The following EEPD1 variants were observed in gnomAD, a reference collection of about 807,000 sequenced individuals.
EEPD1 encodes the protein endonuclease/exonuclease/phosphatase family domain containing 1.
A neutral mutation model predicts 46.3 loss-of-function variants in EEPD1; 17 were observed. The ratio of observed to expected loss-of-function variants is 0.37; its 90% CI spans 0.25 to 0.55. EEPD1 has a LOEUF of 0.55. Ranked by LOEUF, EEPD1 falls within the 20% of genes least tolerant of loss-of-function variation. The probability of loss-of-function intolerance (pLI) is 0.83; values close to 1 mark genes in which losing one functional copy is unlikely to be tolerated. For synonymous variants in EEPD1, 313 were observed against 315.6 expected, an observed-to-expected ratio of 0.99 and a Z score of 0.09; for missense variants, 673 against 745.6, an observed-to-expected ratio of 0.90 and a Z score of 1.13.
At chr7:36,188,524 A>G (rs1361332702) in intron 2 of EEPD1, among the ~76,000 whole-genome samples, 2 of 152,158 alleles carry the variant, frequency 1.3e-5, no homozygotes, top group Admixed American at 6.5e-5. Flanking sequence ...GCTGTGACCA[A>G]CGGAGATACA....
intron 3 of EEPD1, among the ~76,000 whole-genome samples, chr7:36,269,107 G>A (rs574911886): frequency 2.0e-5 from 3 of 152,220 alleles, no homozygotes; most frequent in Middle Eastern, 3.4e-3. Context: ...AGACATTCCC[G>A]CCAAGTTCTG....
chr7:36,214,273 A>G (rs1785989205), intron 2 of EEPD1, among the ~76,000 whole-genome samples: 1 of 152,226 alleles, frequency 6.6e-6, no homozygotes, highest in African/African-American at 2.4e-5. Context: ...GAAGGAAAGA[A>G]GTTCACATAG....
rs1452567019 is a variant in EEPD1 at position 36,301,394 on chromosome 7, C to G, written c.*2188C>G. 6.6e-6 allele frequency: 1 copy of G among 152,180 alleles called. No homozygotes were observed. The highest frequency in any genetic ancestry group is 2.4e-5 in the African/African-American group (1 of 41,432). The allele number at this position is 152,180 out of a possible 1,614,324, so 9.4% of individuals were successfully genotyped here. A position where few individuals can be genotyped will look rare whatever the true frequency, so the allele number is the denominator to read the frequency against. ...AGAAAAATTAGGCACAAAGGGATTC[C>G]CATATCCCTCCTCTTCTTTGCATAT... is the stretch of plus-strand genomic sequence containing the variant. On this transcript the variant is annotated 3_prime_UTR_variant, in exon 8 of 8. Transcript: ENST00000242108.
intron 2 of EEPD1, among the ~76,000 whole-genome samples, chr7:36,194,157 A>C (rs1233194509): frequency 6.6e-6 from 1 of 152,212 alleles, no homozygotes; most frequent in Non-Finnish European, 1.5e-5. Flanking sequence ...GGGTGTCTGC[A>C]GTACTGAATT....
chr7:36,181,315 T>G (rs1188062686), intron 2 of EEPD1, among the ~76,000 whole-genome samples: 1 of 152,170 alleles, frequency 6.6e-6, no homozygotes, highest in Non-Finnish European at 1.5e-5. Flanking sequence ...GCTGTCAGTG[T>G]GCACAGATGC....
intron 6 of EEPD1, among the ~76,000 whole-genome samples, chr7:36,292,055 A>T (rs1229126270): frequency 6.6e-6 from 1 of 152,218 alleles, no homozygotes. Context: ...GTTCTTATGC[A>T]CACATATTTA....
chr7:36,232,363 C>T (rs868811614), intron 2 of EEPD1, among the ~76,000 whole-genome samples: 2 of 151,818 alleles, frequency 1.3e-5, no homozygotes, highest in East Asian at 3.9e-4. Flanking sequence ...CACCACCAGG[C>T]CCAGCTAATT....
chr7:36,197,064 A>C, intron 2 of EEPD1, among the ~76,000 whole-genome samples: 3 of 136,234 alleles, frequency 2.2e-5, no homozygotes, highest in African/African-American at 5.7e-5. Flanking sequence ...CCCGGCCACG[A>C]CCCCGTCTGG....
intron 4 of EEPD1, among the ~76,000 whole-genome samples, chr7:36,284,195 C>T (rs1339114810): frequency 1.3e-5 from 2 of 152,212 alleles, no homozygotes; most frequent in African/African-American, 4.8e-5. Context: ...ACTGAGTGGG[C>T]TCTTACTAGG....
chr7:36,174,308 C>T (rs1785140607), intron 2 of EEPD1, among the ~76,000 whole-genome samples: 1 of 152,072 alleles, frequency 6.6e-6, no homozygotes, highest in South Asian at 2.1e-4. Flanking sequence ...ATTGATACAC[C>T]CTGATACACA....
chr7:36,158,254 A>G (rs755605735), intron 2 of EEPD1, among the ~76,000 whole-genome samples: 1 of 152,190 alleles, frequency 6.6e-6, no homozygotes, highest in Non-Finnish European at 1.5e-5. Flanking sequence ...CTTTGCAAGC[A>G]TGCTGTGTTT....
In EEPD1 at chr7:36,154,201, C is replaced by T. The variant is rs759855586; in HGVS notation, c.-124C>T. 47 of 1,245,444 alleles carry T rather than the reference C, an allele frequency of 3.8e-5. No individual in the cohort carries two copies. The highest frequency in any genetic ancestry group is 4.6e-5 in the Non-Finnish European group (43 of 924,778). 77.1% of individuals were successfully genotyped at this position (1,245,444 alleles called of 1,614,324 possible). A position where few individuals can be genotyped will look rare whatever the true frequency, so the allele number is the denominator to read the frequency against. On this transcript the variant is annotated 5_prime_UTR_variant, in exon 2 of 8. Coordinates refer to ENST00000242108, the MANE Select transcript of EEPD1 (RefSeq NM_030636.3). This position sits in a 1 kb window ranked among gnomAD's most constrained non-coding sequence, Gnocchi z 4.2. Reference sequence around the variant, plus strand: ...ATTCGGTGTTTGTCTATAGTAACCTCTTCAGTCCCTGAATCCTGCACCTTC... The same window carrying T: ...ATTCGGTGTTTGTCTATAGTAACCTTTTCAGTCCCTGAATCCTGCACCTTC...
rs554730540 is a variant in EEPD1 at position 36,223,117 on chromosome 7, C to T, written c.879-15868C>T. ...AGTGAGCCAAGATCACGCTACTGCA[C>T]TCCAACCTGGGCGACAGAGTGAGAC... On this transcript the variant is annotated intron_variant, in intron 2 of 7. Transcript: ENST00000242108. Among the ~76,000 whole-genome samples, 8 of 151,756 alleles carry T rather than the reference C, an allele frequency of 5.3e-5. No individual in the cohort carries two copies. In the South Asian group the frequency reaches 1.7e-3, roughly 32 times the overall value.
chr7:36,229,645 C>T (rs1786287739), intron 2 of EEPD1, among the ~76,000 whole-genome samples: 1 of 152,210 alleles, frequency 6.6e-6, no homozygotes. Flanking sequence ...CAGCCGCTCT[C>T]TCCAATGCCA....
intron 2 of EEPD1, among the ~76,000 whole-genome samples, chr7:36,211,273 A>G (rs1402353702): frequency 6.6e-6 from 1 of 152,242 alleles, no homozygotes; most frequent in Non-Finnish European, 1.5e-5. Context: ...CATGCTATAC[A>G]TGCGCAGTGT....
Position 36,284,431 on chromosome 7 carries a change from C to A in EEPD1, c.1042-255C>A, listed in dbSNP as rs140209591. On this transcript the variant is annotated intron_variant, in intron 4 of 7. Coordinates refer to ENST00000242108, the MANE Select transcript of EEPD1 (RefSeq NM_030636.3). ...CTGTGCCTAGCCGGGGCTTCACCCA[C>A]CTCCCCCCAAAGACAGAAGAGCCCA... 4.2e-3 allele frequency among the ~76,000 whole-genome samples: 642 copies of A among 152,310 alleles called. 3 individuals are homozygous for A. The highest frequency in any genetic ancestry group is 0.015 in the African/African-American group (613 of 41,556).
At chr7:36,298,776 G>C (rs1431040638) in intron 7 of EEPD1, among the ~76,000 whole-genome samples, 1 of 152,178 alleles carries the variant, frequency 6.6e-6, no homozygotes, top group Non-Finnish European at 1.5e-5. Flanking sequence ...CTGGCCTCTG[G>C]GTGTTTTCAC....
chr7:36,268,157 T>A (rs1465830886), intron 3 of EEPD1, among the ~76,000 whole-genome samples: 2 of 152,076 alleles, frequency 1.3e-5, no homozygotes, highest in East Asian at 3.9e-4. Flanking sequence ...AGTGTTTTGT[T>A]GTTGTTGTTT....
At chr7:36,279,240 T>C (rs1787225349) in intron 3 of EEPD1, among the ~76,000 whole-genome samples, 1 of 152,062 alleles carries the variant, frequency 6.6e-6, no homozygotes, top group South Asian at 2.1e-4. Flanking sequence ...CTGTGCCAGG[T>C]AGGGGTTTAT....
Sources: allele counts gnomAD v4.1 joint callset (sites outside exome capture counted in the v4.1 genomes callset), GRCh38; gene constraint gnomAD v4.1.1; non-coding constraint Gnocchi (gnomAD v3.1); transcripts MANE v1.5; gene names NCBI Gene and HGNC (gene_info 2026-07-23, HGNC 2026-07-21).